PTCSC3: variants seen among roughly 807,000 people sequenced by gnomAD.
The protein encoded by PTCSC3 is papillary thyroid carcinoma susceptibility candidate 3.
intron 3 of PTCSC3, among the ~76,000 whole-genome samples, chr14:36,147,948 G>A (rs1196461334): frequency 2.0e-5 from 3 of 152,092 alleles, no homozygotes; most frequent in Admixed American, 6.5e-5. Context: ...GCCCCTGCTC[G>A]GGGGGTGCCT....
At chr14:36,176,524 C>G (rs1399595385), upstream of PTCSC3, 1 of 151,958 alleles carries the variant, frequency 6.6e-6, no homozygotes, top group Non-Finnish European at 1.5e-5. Flanking sequence ...AAAATGCGAT[C>G]CCCCTGGATA....
rs34538222 is a variant in PTCSC3, at chr14:36,152,899, GAA to G, written n.322+903_322+904del. On this transcript the variant is annotated intron_variant and non_coding_transcript_variant, in intron 3 of 3. Coordinates refer to ENST00000556013, the Ensembl canonical transcript of PTCSC3. ...ACAGAGCGAGACTCCATCTCGAAAG[GAA>G]AAAAAAAAAGAAAGAAAGAAAGAAA... Among the ~76,000 whole-genome samples the G allele has an allele frequency of 1.2e-4, 18 of 146,354 alleles. No homozygotes were observed. The South Asian group carries it at 1.3e-3, about 11-fold the overall frequency.
At chr14:36,146,141 G>T (rs1385722593) in intron 3 of PTCSC3, among the ~76,000 whole-genome samples, 2 of 142,756 alleles carry the variant, frequency 1.4e-5, no homozygotes, top group Admixed American at 7.0e-5. Flanking sequence ...ATATTCTGTT[G>T]ATTTGGGGTG....
At chr14:36,140,583 G>A (rs1373214698) in intron 3 of PTCSC3, among the ~76,000 whole-genome samples, 1 of 152,144 alleles carries the variant, frequency 6.6e-6, no homozygotes. Context: ...CTAATGACAT[G>A]TGATGCTGAA....
At chr14:36,163,621 G>A (rs867952042) in intron 1 of PTCSC3, among the ~76,000 whole-genome samples, 3 of 152,192 alleles carry the variant, frequency 2.0e-5, no homozygotes, top group Non-Finnish European at 2.9e-5. Context: ...AATTCTGCAC[G>A]TATCTAGAAG....
chr14:36,161,029 A>G (rs538148751), intron 2 of PTCSC3, among the ~76,000 whole-genome samples: 19 of 152,196 alleles, frequency 1.2e-4, no homozygotes, highest in African/African-American at 4.3e-4. Context: ...ATACTTGTGT[A>G]TGCTTCATGA....
intron 3 of PTCSC3, among the ~76,000 whole-genome samples, chr14:36,151,321 T>A (rs1475801022): frequency 1.3e-5 from 2 of 152,110 alleles, no homozygotes; most frequent in Admixed American, 6.5e-5. Flanking sequence ...TCAAGATGTT[T>A]TGTTTTTGGT....
At chr14:36,135,069 T>C (rs376007416), downstream of PTCSC3, among the ~76,000 whole-genome samples, 1 of 152,230 alleles carries the variant, frequency 6.6e-6, no homozygotes, top group African/African-American at 2.4e-5. Context: ...CTGTAGAAGC[T>C]AATGGCAGCA....
At chr14:36,143,580 T>A (rs1881479114) in intron 3 of PTCSC3, among the ~76,000 whole-genome samples, 1 of 149,228 alleles carries the variant, frequency 6.7e-6, no homozygotes. Context: ...ATGAGTAGGT[T>A]GCGAAAATTT....
At chr14:36,137,536 A>G (rs189462151) in intron 3 of PTCSC3, among the ~76,000 whole-genome samples, 4 of 152,326 alleles carry the variant, frequency 2.6e-5, no homozygotes, top group African/African-American at 9.6e-5. Context: ...TTGCAGGGTG[A>G]TGATGGCTCA....
chr14:36,175,273 A>C (rs1188660550), intron 1 of PTCSC3, among the ~76,000 whole-genome samples: 1 of 152,120 alleles, frequency 6.6e-6, no homozygotes, highest in Non-Finnish European at 1.5e-5. Context: ...TACCTCATGC[A>C]CTTCCCTTCT....
chr14:36,135,706 A>G (rs1310673512), downstream of PTCSC3, among the ~76,000 whole-genome samples: 2 of 152,128 alleles, frequency 1.3e-5, no homozygotes, highest in African/African-American at 4.8e-5. Context: ...CAAACTTGTT[A>G]TTTGCTGTAT....
intron 3 of PTCSC3, among the ~76,000 whole-genome samples, chr14:36,151,282 AC>A (rs925467150): frequency 1.3e-5 from 2 of 150,822 alleles, no homozygotes; most frequent in African/African-American, 2.4e-5. Flanking sequence ...GTAAGGTATT[AC>A]CCCCCCGCCC....
chr14:36,138,520 T>A (rs929160355), intron 3 of PTCSC3, among the ~76,000 whole-genome samples: 16 of 152,264 alleles, frequency 1.1e-4, no homozygotes, highest in African/African-American at 3.9e-4. Context: ...ACTAAAAAAT[T>A]TGGCAAAATT....
At chr14:36,155,745 A>T (rs1329418888) in intron 2 of PTCSC3, among the ~76,000 whole-genome samples, 1 of 152,142 alleles carries the variant, frequency 6.6e-6, no homozygotes, top group Non-Finnish European at 1.5e-5. Flanking sequence ...ATGTGCTGGC[A>T]GTATCTTTTA....
chr14:36,147,431 A>C (rs1217052889), intron 3 of PTCSC3, among the ~76,000 whole-genome samples: 1 of 151,948 alleles, frequency 6.6e-6, no homozygotes, highest in Non-Finnish European at 1.5e-5. Flanking sequence ...CATTGCTGAT[A>C]CCCTTTCTTC....
At chr14:36,169,129 C>T (rs980971270) in intron 1 of PTCSC3, among the ~76,000 whole-genome samples, 3 of 152,074 alleles carry the variant, frequency 2.0e-5, no homozygotes, top group African/African-American at 7.2e-5. Context: ...CTACTTGATT[C>T]AGTCAGAGAT....
At position 36,142,746 on chromosome 14, in the gene PTCSC3, C is replaced by T. The variant is rs796816911; in HGVS notation, n.323-6390G>A. 1.6e-3 allele frequency among the ~76,000 whole-genome samples: 248 copies of T among 150,788 alleles called. 1 individual carries two copies. Among genetic ancestry groups the T allele is most frequent in the African/African-American group, 5.6e-3 (231 of 41,020 alleles). On this transcript the variant is annotated intron_variant and non_coding_transcript_variant, in intron 3 of 3. Coordinates refer to ENST00000556013, the Ensembl canonical transcript of PTCSC3. The stretch of plus-strand genomic sequence containing the variant: ...TATGTATACATGTGCCATGCTGGTG[C>T]GCTGCACCCACTAACTCATCATCTA...
chr14:36,136,452 C>T (rs1881289292), intron 3 of PTCSC3: 1 of 152,008 alleles, frequency 6.6e-6, no homozygotes, highest in South Asian at 2.1e-4. Flanking sequence ...AAGTTTGTAA[C>T]ATTGCTTATC....
Sources: allele counts gnomAD v4.1 joint callset (sites outside exome capture counted in the v4.1 genomes callset), GRCh38; gene constraint gnomAD v4.1.1; transcripts MANE v1.5; gene names NCBI Gene and HGNC (gene_info 2026-07-23, HGNC 2026-07-21).